Variants in NISCH observed in about 807,000 individuals in gnomAD.
NISCH encodes the protein nischarin, also known as I-1 receptor candidate protein.
A neutral mutation model predicts 138.4 loss-of-function variants in NISCH; 55 were observed. The ratio of observed to expected loss-of-function variants is 0.40; its 90% CI spans 0.32 to 0.50. NISCH has a LOEUF of 0.50. Ranked by LOEUF, NISCH falls within the 20% of genes least tolerant of loss-of-function variation. The probability of loss-of-function intolerance (pLI) is 0.71; values close to 1 mark genes in which losing one functional copy is unlikely to be tolerated. For missense variants in NISCH, 1,643 were observed against 2,005.5 expected, an observed-to-expected ratio of 0.82 and a Z score of 3.45; for synonymous variants, 860 against 861.5, an observed-to-expected ratio of 1.00 and a Z score of 0.03.
intron 8 of NISCH, 24 bp downstream of exon 8, chr3:52,476,623 A>G (rs1451757323): frequency 6.2e-7 from 1 of 1,613,178 alleles, no homozygotes; most frequent in Non-Finnish European, 8.5e-7. Context: ...AGCAGGTGCC[A>G]GGGGTTTCTC....
At chr3:52,491,661 T>C in intron 20 of NISCH, 148 bp downstream of exon 20, 1 of 1,085,402 alleles carries the variant, frequency 9.2e-7, no homozygotes, top group East Asian at 2.6e-5. Flanking sequence ...GGCTTTTCGA[T>C]GGCAGAGTCT....
intron 13 of NISCH, chr3:52,481,210 C>T (rs376728075): frequency 9.5e-6 from 11 of 1,153,948 alleles, no homozygotes; most frequent in Non-Finnish European, 9.6e-6. Flanking sequence ...ACTGCAACAT[C>T]GGAGGATGAG....
chr3:52,462,567 C>G (rs1706665624), intron 3 of NISCH, among the ~76,000 whole-genome samples: 1 of 152,206 alleles, frequency 6.6e-6, no homozygotes, highest in African/African-American at 2.4e-5. Context: ...CACATGTGTT[C>G]TGCCTCTTGT....
rs750825025 is a variant in NISCH at position 52,471,826 on chromosome 3, T to C, written c.422T>C (p.Leu141Pro). 9.9e-6 allele frequency: 16 copies of C among 1,613,890 alleles called. No individual in the cohort carries two copies. The highest frequency in any genetic ancestry group is 1.3e-5 in the African/African-American group (1 of 74,942). Residue 141 changes from leucine to proline, a missense_variant, in exon 5 of 21, where the codon CTG (leucine) becomes CCG (proline). Transcript: ENST00000345716. ...EELFEKGEQL[L>P]GAGEVFAIGP... is the part of the protein sequence containing the mutation. ...ATGGCTCTTGCAGGAGAACAGCTCC[T>C]GGGGGCCGGCGAGGTCTTTGCCATT...
chr3:52,458,391 C>T (rs1324005962), intron 2 of NISCH, among the ~76,000 whole-genome samples: 1 of 152,166 alleles, frequency 6.6e-6, no homozygotes, highest in Non-Finnish European at 1.5e-5. Context: ...GAAAAGATGG[C>T]AATTTTAGGG....
chr3:52,468,307 G>T (rs573058449), intron 3 of NISCH, among the ~76,000 whole-genome samples: 11 of 152,124 alleles, frequency 7.2e-5, no homozygotes, highest in African/African-American at 2.7e-4. Flanking sequence ...AGTACTGATC[G>T]TGGGGAACCC....
At chr3:52,479,231 A>G (rs899003572) in intron 11 of NISCH, among the ~76,000 whole-genome samples, 1 of 151,384 alleles carries the variant, frequency 6.6e-6, no homozygotes, top group African/African-American at 2.4e-5. Context: ...GGCCCTTGGG[A>G]CCTTCCCTCA....
Position 52,492,097 on chromosome 3 carries a change from G to T in NISCH, c.4130G>T (p.Ser1377Ile). ...PLRPKTLLLT[S>I]SEIFLLDEDC... is the part of the protein sequence containing the mutation. The stretch of plus-strand genomic sequence containing the variant: ...CGCCCCAAGACACTCCTGCTCACCA[G>T]CTCCGAGATCTTCCTCCTGGATGAG... Residue 1377 changes from serine (S) to isoleucine (I), a missense_variant, in exon 21 of 21, where the codon AGC (serine) becomes ATC (isoleucine). Coordinates refer to ENST00000345716, the MANE Select transcript of NISCH (RefSeq NM_007184.4). 6.2e-7 allele frequency: 1 copy of T among 1,613,108 alleles called. No homozygotes were observed.
chr3:52,483,626 G>T (rs1030284544), intron 13 of NISCH, among the ~76,000 whole-genome samples: 1 of 152,242 alleles, frequency 6.6e-6, no homozygotes, highest in African/African-American at 2.4e-5. Flanking sequence ...CAGTGGGCAC[G>T]TCCTGTGGTA....
chr3:52,477,495 G>A (rs1204794982), intron 8 of NISCH, 79 bp from the exon 9 acceptor site: 4 of 1,213,798 alleles, frequency 3.3e-6, no homozygotes, highest in East Asian at 2.3e-5. Context: ...GCGTCCTGGG[G>A]TGCCCGTCCA....
intron 3 of NISCH, among the ~76,000 whole-genome samples, chr3:52,459,210 T>C (rs1706561467): frequency 6.6e-6 from 1 of 152,272 alleles, no homozygotes; most frequent in East Asian, 1.9e-4. Context: ...CCAAAACTAA[T>C]TAAGGGATTA....
At chr3:52,477,508 G>A in intron 8 of NISCH, 66 bp from the exon 9 acceptor site, 1 of 1,389,952 alleles carries the variant, frequency 7.2e-7, no homozygotes, top group Non-Finnish European at 1.0e-6. Context: ...CCCGTCCACT[G>A]TGTCGGGGAC....
intron 9 of NISCH, 62 bp downstream of exon 9, chr3:52,477,704 A>G: frequency 7.1e-7 from 1 of 1,409,268 alleles, no homozygotes; most frequent in Non-Finnish European, 1.0e-6. Flanking sequence ...CTGAGATTTC[A>G]GGAGACTGAC....
At chr3:52,463,339 GTTTA>G (rs1181144415) in intron 3 of NISCH, among the ~76,000 whole-genome samples, 5 of 152,318 alleles carry the variant, frequency 3.3e-5, no homozygotes, top group African/African-American at 4.8e-5. Context: ...GCCACATTAT[GTTTA>G]TTTATTAGCA....
chr3:52,472,165 G>A (rs964360932), intron 5 of NISCH, 138 bp from the exon 6 acceptor site: 9 of 990,624 alleles, frequency 9.1e-6, no homozygotes, highest in Admixed American at 4.4e-5. Flanking sequence ...CCAGTGTCCC[G>A]TTAAATTAAG....
Position 52,487,232 on chromosome 3 carries a change from G to A in NISCH, c.1740G>A (p.Pro580=), listed in dbSNP as rs369122107. Residue 580 remains proline, a synonymous_variant, in exon 16 of 21, where the codon CCG becomes CCA. Coordinates refer to ENST00000345716, the MANE Select transcript of NISCH (RefSeq NM_007184.4). This position sits in a 1 kb window ranked among gnomAD's most constrained non-coding sequence, Gnocchi z 9.1. ...CCGAGCCGGAGGTCCAGGTGGTGCC[G>A]GGGTCTGGCCAGATCATCTTCCTGC... The part of the protein sequence containing the change: ...EHAEPEVQVV[P]GSGQIIFLPF... 16 of 1,613,948 alleles carry A rather than the reference G, an allele frequency of 9.9e-6. No homozygotes were observed. The highest frequency in any genetic ancestry group is 1.6e-4 in the Middle Eastern group (1 of 6,084).
rs373247871 is a variant in NISCH at position 52,462,723 on chromosome 3, C to T, written c.360+3879C>T. ...CGATCTCGGCTCACTGCAACCTCCACCTCCCAGGTTCAAGTGATTCTCCTG... is the reference window on the plus strand; with the variant it reads ...CGATCTCGGCTCACTGCAACCTCCATCTCCCAGGTTCAAGTGATTCTCCTG... On this transcript the variant is annotated intron_variant, in intron 3 of 20. Coordinates refer to ENST00000345716, the MANE Select transcript of NISCH (RefSeq NM_007184.4). Among the ~76,000 whole-genome samples the T allele has an allele frequency of 9.2e-5, 14 of 152,150 alleles. No homozygotes were observed. In the East Asian group the frequency reaches 2.1e-3, roughly 23 times the overall value.
intron 13 of NISCH, chr3:52,480,780 A>G (rs1707249069): frequency 3.4e-6 from 5 of 1,457,684 alleles, no homozygotes; most frequent in Non-Finnish European, 4.5e-6. Flanking sequence ...TGTGGGGCCA[A>G]GATGGGCCAT....
At chr3:52,477,164 G>A (rs1707120871) in intron 8 of NISCH, among the ~76,000 whole-genome samples, 1 of 152,216 alleles carries the variant, frequency 6.6e-6, no homozygotes, top group South Asian at 2.1e-4. Context: ...TCCAAAGAGT[G>A]GAGCAGAAAA....
Sources: gnomAD v4.1 joint callset for allele counts (sites outside exome capture counted in the v4.1 genomes callset) on GRCh38, gnomAD v4.1.1 for gene constraint, Gnocchi (gnomAD v3.1) non-coding constraint, MANE v1.5 for transcripts, NCBI Gene and HGNC (gene_info 2026-07-23, HGNC 2026-07-21) for gene names.